Variants in TRPM7 observed in about 807,000 individuals in gnomAD.
The protein encoded by TRPM7 is LTRPC ion channel family member 7.
TRPM7 carries 134 observed loss-of-function variants against 229.7 expected under a neutral mutation model. The observed-to-expected ratio is 0.58, with a 90% CI of 0.51 to 0.67. The LOEUF (loss-of-function observed/expected upper bound fraction) is 0.67, where lower values mean the gene tolerates loss of function less well. TRPM7 is among the 30% of genes least tolerant of loss of function. The pLI, the probability that TRPM7 is intolerant of heterozygous loss-of-function variation, is 0.00. For synonymous variants in TRPM7, 699 were observed against 715.2 expected (o/e 0.98, Z 0.36); for missense variants, 1,901 against 2,210.0 (o/e 0.86, Z 2.80).
chr15:50,654,992 C>A (rs1290083217), intron 3 of TRPM7, among the ~76,000 whole-genome samples: 3 of 125,672 alleles, frequency 2.4e-5, no homozygotes, highest in Non-Finnish European at 5.0e-5. Context: ...CAGAGTGACA[C>A]TCCGTCTCAA....
At chr15:50,621,597 A>T (rs1331611552) in intron 12 of TRPM7, among the ~76,000 whole-genome samples, 1 of 152,122 alleles carries the variant, frequency 6.6e-6, no homozygotes, top group Non-Finnish European at 1.5e-5. Flanking sequence ...AGTTTTCCAG[A>T]GGCTTTTTGA....
intron 30 of TRPM7, among the ~76,000 whole-genome samples, chr15:50,579,919 T>C (rs970289323): frequency 6.6e-6 from 1 of 152,182 alleles, no homozygotes. Flanking sequence ...CCTGAGTAGC[T>C]AGGACCACAA....
chr15:50,674,402 G>A (rs2062051257), intron 1 of TRPM7, among the ~76,000 whole-genome samples: 1 of 152,174 alleles, frequency 6.6e-6, no homozygotes, highest in African/African-American at 2.4e-5. Flanking sequence ...AAAGTGCTGG[G>A]ATTACAGGGG....
chr15:50,570,677 T>TA (rs149970874), intron 36 of TRPM7, among the ~76,000 whole-genome samples: 3,314 of 91,684 alleles, frequency 0.036, 71 homozygotes, highest in Middle Eastern at 0.069. Context: ...ACTTCATTCC[T>TA]AAAAAAAAAA....
intron 34 of TRPM7, 57 bp downstream of exon 34, chr15:50,574,795 A>C (rs745736903): frequency 8.8e-5 from 139 of 1,583,480 alleles, no homozygotes; most frequent in Non-Finnish European, 1.1e-4. Flanking sequence ...GATATTTCAG[A>C]AGTTAAAATA....
chr15:50,650,192 CAAAAA>C (rs59579538), intron 3 of TRPM7, among the ~76,000 whole-genome samples: 879 of 62,158 alleles, frequency 0.014, 6 homozygotes, highest in African/African-American at 0.051. Context: ...GACTTTGTCT[CAAAAA>C]AAAAAAAAAA....
chr15:50,684,545 G>A (rs1455982109), intron 1 of TRPM7, among the ~76,000 whole-genome samples: 2 of 151,998 alleles, frequency 1.3e-5, no homozygotes, highest in Non-Finnish European at 2.9e-5. Flanking sequence ...GGAGGCTGAG[G>A]CAGGAGAATC....
At chr15:50,572,059 G>A (rs1007665306) in intron 36 of TRPM7, among the ~76,000 whole-genome samples, 1 of 152,186 alleles carries the variant, frequency 6.6e-6, no homozygotes, top group Non-Finnish European at 1.5e-5. Flanking sequence ...ACTGTGGGAG[G>A]ACTGCTTGAG....
intron 20 of TRPM7, among the ~76,000 whole-genome samples, chr15:50,606,995 G>A (rs963975749): frequency 6.6e-6 from 1 of 152,132 alleles, no homozygotes; most frequent in Non-Finnish European, 1.5e-5. Context: ...CATTTTATCT[G>A]TAATGGCAAC....
chr15:50,580,976 G>C, intron 29 of TRPM7, 68 bp from the exon 30 acceptor site: 3 of 1,480,944 alleles, frequency 2.0e-6, no homozygotes, highest in Non-Finnish European at 2.7e-6. Context: ...GAAGCATAAC[G>C]GTTTAACTTT....
intron 1 of TRPM7, among the ~76,000 whole-genome samples, chr15:50,673,306 T>C (rs1282318483): frequency 1.3e-5 from 2 of 152,090 alleles, no homozygotes; most frequent in South Asian, 2.1e-4. Flanking sequence ...TGGAAACAGG[T>C]AGTGTTTAGT....
rs1566919894 is a variant in TRPM7 at position 50,559,177 on chromosome 15, G to C, written c.*2501C>G. On this transcript the variant is annotated 3_prime_UTR_variant, in exon 39 of 39. Transcript: ENST00000646667. ...AGCAATTCTCCTGCCTCAGACTCCT[G>C]AGTAGCTGGGATTACAGGCACTCAC... 6.6e-6 allele frequency: 1 copy of C among 152,192 alleles called. No individual in the cohort carries two copies. The highest frequency in any genetic ancestry group is 2.4e-5 in the African/African-American group (1 of 41,314). 9.4% of individuals were successfully genotyped at this position (152,192 alleles called of 1,614,324 possible).
At chr15:50,599,089 CA>C in intron 22 of TRPM7, 32 bp downstream of exon 22, 1 of 1,489,312 alleles carries the variant, frequency 6.7e-7, no homozygotes, top group African/African-American at 1.4e-5. Context: ...ACAAAATAAC[CA>C]AAAGATAAAT....
chr15:50,637,273 T>G (rs1258060429), intron 7 of TRPM7, 149 bp downstream of exon 7: 2 of 660,450 alleles, frequency 3.0e-6, no homozygotes, highest in African/African-American at 1.8e-5. Context: ...TCTTATCATT[T>G]TGTCTAAGAT....
chr15:50,594,759 T>TA, intron 23 of TRPM7, 146 bp from the exon 24 acceptor site: 2 of 562,326 alleles, frequency 3.6e-6, no homozygotes, highest in Non-Finnish European at 5.9e-6. Flanking sequence ...AATGAGAAAC[T>TA]AGAAAAGATA....
chr15:50,620,648 G>A (rs1453166562), intron 12 of TRPM7, among the ~76,000 whole-genome samples: 2 of 151,854 alleles, frequency 1.3e-5, no homozygotes, highest in Non-Finnish European at 2.9e-5. Flanking sequence ...TATTTATTTA[G>A]GGCTGGGCGC....
chr15:50,617,131 AAAATAAATAAATAAAT>A (rs201318883), intron 13 of TRPM7, among the ~76,000 whole-genome samples: 2,237 of 137,372 alleles, frequency 0.016, 62 homozygotes, highest in African/African-American at 0.053. Context: ...CTCTACCAAA[AAAATAAATAAATAAAT>A]AAATAAATAA....
In TRPM7 at chr15:50,686,579, C is replaced by T; in HGVS notation, c.-46G>A. 1.2e-6 allele frequency: 2 copies of T among 1,607,658 alleles called. No homozygotes were observed. Among genetic ancestry groups the T allele is most frequent in the Non-Finnish European group, 8.5e-7 (1 of 1,176,562 alleles). ...CGGAAGGGCAGCAACTCCACCTCCT[C>T]CTCCTCCGCGGCCTGTAGCCATCTA... On this transcript the variant is annotated 5_prime_UTR_variant, in exon 1 of 39. Transcript: ENST00000646667.
At chr15:50,678,410 T>C (rs1006296701) in intron 1 of TRPM7, among the ~76,000 whole-genome samples, 3 of 151,222 alleles carry the variant, frequency 2.0e-5, no homozygotes, top group East Asian at 1.9e-4. Flanking sequence ...AAGCAAAATG[T>C]TGAAATAAGC....
Sources: gnomAD v4.1 joint callset for allele counts (sites outside exome capture counted in the v4.1 genomes callset) on GRCh38, gnomAD v4.1.1 for gene constraint, MANE v1.5 for transcripts, NCBI Gene and HGNC (gene_info 2026-07-23, HGNC 2026-07-21) for gene names.